The following SPMIP2 variants were observed in gnomAD, a reference collection of about 807,000 sequenced individuals.
SPMIP2 encodes sperm microtubule inner protein 2.
the SPMIP2 span, among the ~76,000 whole-genome samples, chr4:159,063,895 A>G: frequency 6.6e-6 from 1 of 152,364 alleles, no homozygotes; most frequent in East Asian, 1.9e-4. Context: ...ACCAGGGTAA[A>G]AGGATCATGT....
At chr4:159,037,289 A>C in the SPMIP2 span, among the ~76,000 whole-genome samples, 1 of 152,186 alleles carries the variant, frequency 6.6e-6, no homozygotes, top group African/African-American at 2.4e-5. Context: ...CTAATTGAAG[A>C]CATATTTAGG....
At chr4:159,041,917 T>A in the SPMIP2 span, among the ~76,000 whole-genome samples, 1 of 152,246 alleles carries the variant, frequency 6.6e-6, no homozygotes, top group African/African-American at 2.4e-5. Flanking sequence ...GTGTCAAAGT[T>A]TTGCCTTATT....
the SPMIP2 span, among the ~76,000 whole-genome samples, chr4:158,978,542 A>G: frequency 3.9e-5 from 6 of 152,096 alleles, no homozygotes; most frequent in Non-Finnish European, 7.4e-5. Flanking sequence ...ATAATAGTGG[A>G]AGACTTTACA....
At chr4:158,960,159 T>C in the SPMIP2 span, 1 of 620,772 alleles carries the variant, frequency 1.6e-6, no homozygotes, top group Non-Finnish European at 2.8e-6. Context: ...AATTCGTAAA[T>C]TTATCAAAAA....
At chr4:158,913,988 C>G in the SPMIP2 span, among the ~76,000 whole-genome samples, 1 of 152,038 alleles carries the variant, frequency 6.6e-6, no homozygotes, top group South Asian at 2.1e-4. Flanking sequence ...GAGTATATCA[C>G]GTTCTTAGAG....
At chr4:159,076,452 G>C in the SPMIP2 span, among the ~76,000 whole-genome samples, 1 of 151,878 alleles carries the variant, frequency 6.6e-6, no homozygotes, top group African/African-American at 2.4e-5. Flanking sequence ...AATAGTAATG[G>C]GACAACCAGC....
chr4:158,979,815 C>T, the SPMIP2 span, among the ~76,000 whole-genome samples: 1,120 of 34,406 alleles, frequency 0.033, 9 homozygotes, highest in Middle Eastern at 0.16. Context: ...TTTTTTTTTT[C>T]ATACCCCAGT....
At chr4:158,925,652 A>G in the SPMIP2 span, among the ~76,000 whole-genome samples, 1 of 152,232 alleles carries the variant, frequency 6.6e-6, no homozygotes, top group Non-Finnish European at 1.5e-5. Context: ...TGAGAATCTA[A>G]TGCTGCCACT....
At chr4:158,911,252 G>A in the SPMIP2 span, among the ~76,000 whole-genome samples, 1 of 152,194 alleles carries the variant, frequency 6.6e-6, no homozygotes, top group African/African-American at 2.4e-5. Flanking sequence ...GGAGGCTGAG[G>A]CAGGAGAATC....
the SPMIP2 span, among the ~76,000 whole-genome samples, chr4:158,988,608 C>T: frequency 6.6e-6 from 1 of 152,286 alleles, no homozygotes; most frequent in African/African-American, 2.4e-5. Context: ...AAAAGTAATC[C>T]ATCACATAAA....
At chr4:159,043,927 C>A in the SPMIP2 span, among the ~76,000 whole-genome samples, 1 of 152,110 alleles carries the variant, frequency 6.6e-6, no homozygotes, top group Non-Finnish European at 1.5e-5. Flanking sequence ...CTATTGATCC[C>A]CAAAGAGAGT....
At chr4:158,918,008 C>T in the SPMIP2 span, among the ~76,000 whole-genome samples, 4 of 152,132 alleles carry the variant, frequency 2.6e-5, no homozygotes, top group Non-Finnish European at 4.4e-5. Context: ...CGTGAACCAT[C>T]GTGCCCGGCC....
the SPMIP2 span, among the ~76,000 whole-genome samples, chr4:159,022,743 G>A: frequency 6.6e-6 from 1 of 152,078 alleles, no homozygotes; most frequent in Non-Finnish European, 1.5e-5. Flanking sequence ...GGTTAATATC[G>A]TGTGTTGGCC....
chr4:159,008,670 T>G, the SPMIP2 span, among the ~76,000 whole-genome samples: 2 of 152,256 alleles, frequency 1.3e-5, no homozygotes, highest in Non-Finnish European at 2.9e-5. Flanking sequence ...ATTGTACATA[T>G]ATTTAATGAT....
At chr4:159,079,140 A>G in the SPMIP2 span, among the ~76,000 whole-genome samples, 2 of 151,922 alleles carry the variant, frequency 1.3e-5, no homozygotes, top group African/African-American at 2.4e-5. Flanking sequence ...ATAAATAATA[A>G]TAATAATAAC....
chr4:158,896,599 A>G, the SPMIP2 span, among the ~76,000 whole-genome samples: 1 of 152,166 alleles, frequency 6.6e-6, no homozygotes. Context: ...CTCCTAAGAG[A>G]CTGGGGCCTT....
chr4:158,932,719 A>G, the SPMIP2 span, among the ~76,000 whole-genome samples: 1 of 152,178 alleles, frequency 6.6e-6, no homozygotes, highest in African/African-American at 2.4e-5. Context: ...ATTTCAAGAC[A>G]AGTCAAAAAT....
the SPMIP2 span, among the ~76,000 whole-genome samples, chr4:159,055,539 C>T: frequency 2.6e-5 from 4 of 151,958 alleles, no homozygotes; most frequent in Admixed American, 6.6e-5. Context: ...AAAACCGCAT[C>T]TCTCCAAAAA....
chr4:158,930,697 A>G, the SPMIP2 span, among the ~76,000 whole-genome samples: 6 of 151,864 alleles, frequency 4.0e-5, no homozygotes, highest in African/African-American at 7.3e-5. Flanking sequence ...AGATCTGACT[A>G]CATTGCCCAG....
Sources: gnomAD v4.1 joint callset for allele counts (sites outside exome capture counted in the v4.1 genomes callset) on GRCh38, gnomAD v4.1.1 for gene constraint, MANE v1.5 for transcripts, NCBI Gene and HGNC (gene_info 2026-07-23, HGNC 2026-07-21) for gene names.